Variants in COL4A4 observed in about 807,000 individuals in gnomAD.
COL4A4 encodes the protein collagen alpha-4(IV) chain.
COL4A4 carries 105 observed loss-of-function variants against 192.9 expected under a neutral mutation model. The observed-to-expected ratio is 0.54, with a 90% CI of 0.46 to 0.64. The LOEUF is 0.64. Ranked by LOEUF, COL4A4 falls within the 30% of genes least tolerant of loss-of-function variation. The pLI is 0.00. For synonymous variants in COL4A4, 762 were observed against 769.9 expected, an observed-to-expected ratio of 0.99 and a Z score of 0.17; for missense variants, 1,967 against 2,169.3, an observed-to-expected ratio of 0.91 and a Z score of 1.85.
chr2:227,077,864 T>C, intron 25 of COL4A4, 30 bp downstream of exon 25: 1 of 1,582,788 alleles, frequency 6.3e-7, no homozygotes, highest in Non-Finnish European at 8.6e-7. Flanking sequence ...CCCAAAGCTA[T>C]TGAAATAAAT....
rs191147715 is a variant in COL4A4, at chr2:227,022,980, G to T, written c.4091-807C>A. 2.0e-5 allele frequency among the ~76,000 whole-genome samples: 3 copies of T among 152,266 alleles called. No individual in the cohort carries two copies. In the East Asian group the frequency reaches 5.8e-4, roughly 29 times the overall value. ...CACGATGATTCCAGTGTCCATTAGG[G>T]CTGAAAGCACAGTTGGAAAGCTATA... On this transcript the variant is annotated intron_variant, in intron 43 of 47. Transcript: ENST00000396625.
chr2:227,059,388 C>T lies in COL4A4; in HGVS notation c.2383+17G>A, dbSNP rs1180297822. ...GAGCCAGCTCTATGCACCAAAAGGACAGCAAAGCCCTCATACCTTCAGCCC... is the reference window on the plus strand; with the variant it reads ...GAGCCAGCTCTATGCACCAAAAGGATAGCAAAGCCCTCATACCTTCAGCCC... On this transcript the variant is annotated intron_variant, in intron 28 of 47. Transcript: ENST00000396625. 2 of 1,607,914 alleles carry T rather than the reference C, an allele frequency of 1.2e-6. No individual in the cohort carries two copies. The highest frequency in any genetic ancestry group is 1.7e-6 in the Non-Finnish European group (2 of 1,174,538).
chr2:226,974,709 A>G, the COL4A4 span, among the ~76,000 whole-genome samples: 6 of 152,194 alleles, frequency 3.9e-5, no homozygotes, highest in Non-Finnish European at 8.8e-5. Flanking sequence ...TCCAGGCACC[A>G]GGATCCTCTT....
chr2:227,091,971 T>C (rs1271023977), intron 20 of COL4A4, among the ~76,000 whole-genome samples: 1 of 151,680 alleles, frequency 6.6e-6, no homozygotes, highest in Non-Finnish European at 1.5e-5. Flanking sequence ...GAAAGCTACA[T>C]GCTGGATTAA....
At chr2:226,988,415 G>A in the COL4A4 span, 1 of 1,550,508 alleles carries the variant, frequency 6.4e-7, no homozygotes, top group Non-Finnish European at 8.7e-7. Context: ...CAGATGCCTG[G>A]GAAGCCTGAA....
intron 37 of COL4A4, among the ~76,000 whole-genome samples, chr2:227,036,563 T>C (rs914600885): frequency 3.3e-5 from 5 of 152,232 alleles, no homozygotes; most frequent in Non-Finnish European, 5.9e-5. Flanking sequence ...TGGAAGATTC[T>C]TATTAACAAA....
At chr2:227,070,556 C>T (rs1434504947) in intron 25 of COL4A4, among the ~76,000 whole-genome samples, 1 of 152,060 alleles carries the variant, frequency 6.6e-6, no homozygotes, top group East Asian at 1.9e-4. Context: ...ACAATGAGTG[C>T]ATGTCCTTTG....
At chr2:227,018,020 A>G (rs557370635) in intron 44 of COL4A4, among the ~76,000 whole-genome samples, 82 of 152,246 alleles carry the variant, frequency 5.4e-4, no homozygotes, top group Admixed American at 1.8e-3. Context: ...GATACCAACA[A>G]CATCATTTTA....
intron 12 of COL4A4, among the ~76,000 whole-genome samples, chr2:227,104,371 C>A (rs1225550245): frequency 6.8e-6 from 1 of 146,720 alleles, no homozygotes; most frequent in Non-Finnish European, 1.5e-5. Flanking sequence ...GAGATCGAGA[C>A]CATCCTGGCT....
intron 10 of COL4A4, 62 bp from the exon 11 acceptor site, chr2:227,108,930 CTT>C: frequency 2.7e-6 from 4 of 1,497,828 alleles, no homozygotes; most frequent in Non-Finnish European, 3.7e-6. Context: ...AATGTGCCTT[CTT>C]TTGTTACCCC....
intron 22 of COL4A4, 36 bp from the exon 23 acceptor site, chr2:227,082,223 T>A (rs1197436739): frequency 3.3e-6 from 5 of 1,509,130 alleles, no homozygotes; most frequent in Admixed American, 1.7e-5. Context: ...TTAGGTTAAT[T>A]GTGATGGATC....
chr2:227,088,465 T>C (rs1196682398), intron 22 of COL4A4, among the ~76,000 whole-genome samples, 188 bp downstream of exon 22: 1 of 152,194 alleles, frequency 6.6e-6, no homozygotes, highest in Non-Finnish European at 1.5e-5. Flanking sequence ...GTGTAAGACA[T>C]GCCGGCTTCC....
intron 1 of COL4A4, among the ~76,000 whole-genome samples, chr2:227,159,496 C>A (rs138065782): frequency 3.0e-3 from 451 of 152,272 alleles, no homozygotes; most frequent in African/African-American, 0.01. Context: ...AAGAAATATA[C>A]TTTTTAGATT....
the COL4A4 span, chr2:226,996,707 T>A: frequency 1.3e-5 from 2 of 152,252 alleles, no homozygotes; most frequent in Non-Finnish European, 2.9e-5. Context: ...GCAGGGGTTA[T>A]CTTTGGGAGT....
chr2:227,022,283 A>T, intron 43 of COL4A4, 110 bp from the exon 44 acceptor site: 1 of 1,257,688 alleles, frequency 8.0e-7, no homozygotes, highest in South Asian at 1.2e-5. Context: ...AATTTAGTAC[A>T]AATTCAGTAT....
At chr2:227,042,748 C>T (rs1374324252) in intron 36 of COL4A4, among the ~76,000 whole-genome samples, 1 of 152,196 alleles carries the variant, frequency 6.6e-6, no homozygotes, top group Non-Finnish European at 1.5e-5. Flanking sequence ...TGCCACCACA[C>T]TCCAGCCTTG....
At chr2:227,147,683 G>T in intron 1 of COL4A4, 99 bp from the exon 2 acceptor site, 1 of 521,838 alleles carries the variant, frequency 1.9e-6, no homozygotes, top group Admixed American at 2.9e-5. Flanking sequence ...TTTCTAAAGG[G>T]TAACTTCAAC....
chr2:227,000,856 C>T (rs531294534), downstream of COL4A4, among the ~76,000 whole-genome samples: 19 of 152,152 alleles, frequency 1.2e-4, no homozygotes, highest in South Asian at 2.5e-3. Context: ...ATATGTCTCA[C>T]GAGATCTGAT....
rs745395223 is a variant in COL4A4, at chr2:227,147,283, A to G, written c.71+130T>C. 212 of 862,178 alleles carry G rather than the reference A, an allele frequency of 2.5e-4. 1 individual carries two copies. The highest frequency in any genetic ancestry group is 7.5e-4 in the Admixed American group (44 of 58,470). The allele number at this position is 862,178 out of a possible 1,614,324, so 53.4% of individuals were successfully genotyped here. A position where few individuals can be genotyped will look rare whatever the true frequency, so the allele number is the denominator to read the frequency against. The stretch of plus-strand genomic sequence containing the variant: ...ATAAAAATGAGTCATGAAATGGCAG[A>G]CATACCCTTAGCTTTCTGGAATGAT... On this transcript the variant is annotated intron_variant, in intron 2 of 47. Coordinates refer to ENST00000396625, the MANE Select transcript of COL4A4 (RefSeq NM_000092.5).
Sources: allele counts gnomAD v4.1 joint callset (sites outside exome capture counted in the v4.1 genomes callset), GRCh38; gene constraint gnomAD v4.1.1; transcripts MANE v1.5; gene names NCBI Gene and HGNC (gene_info 2026-07-23, HGNC 2026-07-21).